TSHZ1: variants seen among roughly 807,000 people sequenced by gnomAD.
TSHZ1 encodes the protein teashirt zinc finger homeobox 1, also known as teashirt homolog 1.
TSHZ1 carries 12 observed loss-of-function variants against 67.1 expected under a neutral mutation model. That is an observed-to-expected ratio of 0.18 (90% CI 0.11 to 0.29). The LOEUF (loss-of-function observed/expected upper bound fraction) is 0.29, where lower values mean the gene tolerates loss of function less well. Among genes scored for constraint, TSHZ1 ranks in the 10% least tolerant of loss-of-function variants. The pLI is 1.00. For missense variants in TSHZ1, 1,305 were observed against 1,413.9 expected (o/e 0.92, Z 1.23); for synonymous variants, 632 against 622.4 (o/e 1.02, Z -0.23).
At chr18:75,272,157 T>A (rs1392019798) in intron 1 of TSHZ1, among the ~76,000 whole-genome samples, 1 of 152,200 alleles carries the variant, frequency 6.6e-6, no homozygotes, top group East Asian at 1.9e-4. Context: ...CTCCACTCCC[T>A]TTGGTGATGG....
chr18:75,274,697 A>G (rs1490876574), intron 1 of TSHZ1, among the ~76,000 whole-genome samples: 1 of 152,190 alleles, frequency 6.6e-6, no homozygotes, highest in Non-Finnish European at 1.5e-5. Context: ...ATGTCTCTCT[A>G]TATCTTTGTC....
At position 75,288,489 on chromosome 18, in the gene TSHZ1, G is replaced by A. The variant is rs1174285293; in HGVS notation, c.3082G>A (p.Ala1028Thr). 8 of 1,614,024 alleles carry A rather than the reference G, an allele frequency of 5.0e-6. No homozygotes were observed. Among genetic ancestry groups the A allele is most frequent in the Non-Finnish European group, 6.8e-6 (8 of 1,180,042 alleles). Residue 1028 changes from alanine to threonine, a missense_variant, in exon 2 of 2, where the codon GCC becomes ACC. Coordinates refer to ENST00000580243, the MANE Select transcript of TSHZ1 (RefSeq NM_001308210.2). This position sits in a 1 kb window ranked among gnomAD's most constrained non-coding sequence, Gnocchi z 4.9. ...CAACAAAACTCTGGGCCCACTGGGGGCCACCGAGGAAGACTTGGGCTCCAC... is the reference window on the plus strand; with the variant it reads ...CAACAAAACTCTGGGCCCACTGGGGACCACCGAGGAAGACTTGGGCTCCAC... ...LTNKTLGPLG[A>T]TEEDLGSTFQ... is the part of the protein sequence containing the mutation.
At chr18:75,248,689 G>A (rs771331499) in intron 1 of TSHZ1, among the ~76,000 whole-genome samples, 1 of 152,142 alleles carries the variant, frequency 6.6e-6, no homozygotes, top group Non-Finnish European at 1.5e-5. Flanking sequence ...TACGTTTATT[G>A]GAAGCTAATG....
At chr18:75,211,994 C>A in intron 1 of TSHZ1, 78 bp downstream of exon 1, 1 of 1,111,122 alleles carries the variant, frequency 9.0e-7, no homozygotes, top group Non-Finnish European at 1.1e-6. Flanking sequence ...GGCCGAGGTG[C>A]GGGACGTGGG....
intron 1 of TSHZ1, among the ~76,000 whole-genome samples, chr18:75,249,846 G>A (rs545623109): frequency 6.7e-5 from 10 of 150,162 alleles, no homozygotes; most frequent in South Asian, 2.1e-4. Context: ...TGTAGTAGGC[G>A]GGGCGGGGGT....
At chr18:75,279,505 G>A (rs1462691007) in intron 1 of TSHZ1, among the ~76,000 whole-genome samples, 1 of 152,182 alleles carries the variant, frequency 6.6e-6, no homozygotes, top group East Asian at 1.9e-4. Flanking sequence ...AGACACTGCA[G>A]CCCCTCCCAT....
intron 1 of TSHZ1, among the ~76,000 whole-genome samples, chr18:75,222,289 A>C (rs2022856682): frequency 6.6e-6 from 1 of 151,612 alleles, no homozygotes; most frequent in Non-Finnish European, 1.5e-5. Context: ...CAGTAATGAG[A>C]ATTTATTTTA....
In TSHZ1 at chr18:75,287,250, G is replaced by T. The variant is rs149729975; in HGVS notation, c.1843G>T (p.Ala615Ser). Residue 615 changes from alanine to serine, a missense_variant, in exon 2 of 2, where the codon GCC becomes TCC. Ala to Ser is a moderately conservative substitution (Grantham distance 99, BLOSUM62 1). Coordinates refer to ENST00000580243, the MANE Select transcript of TSHZ1 (RefSeq NM_001308210.2). The surrounding 1 kb of genome is among the most constrained non-coding windows in gnomAD (Gnocchi z 5.0). ...YAGGVKSLSS[A>S]EHNALLHSPG... ...TGGCGGCGTGAAGTCGCTGTCTTCCGCCGAGCACAACGCCCTCCTGCACTC... is the reference window on the plus strand; with the variant it reads ...TGGCGGCGTGAAGTCGCTGTCTTCCTCCGAGCACAACGCCCTCCTGCACTC... 2 of 1,613,936 alleles carry T rather than the reference G, an allele frequency of 1.2e-6. No homozygotes were observed. Among genetic ancestry groups the T allele is most frequent in the African/African-American group, 2.7e-5 (2 of 75,030 alleles).
At position 75,286,342 on chromosome 18, in the gene TSHZ1, G is replaced by A. The variant is rs375914464; in HGVS notation, c.935G>A (p.Cys312Tyr). 2.5e-6 allele frequency: 4 copies of A among 1,614,026 alleles called. No individual in the cohort carries two copies. Among genetic ancestry groups the A allele is most frequent in the Middle Eastern group, 1.6e-4 (1 of 6,084 alleles). ...DAQKVLKCMY[C>Y]GHSFESLQDL... Reference sequence around the variant, plus strand: ...CAGAAGGTGCTGAAGTGCATGTACTGTGGACACTCCTTTGAGTCCTTGCAG... The same window carrying A: ...CAGAAGGTGCTGAAGTGCATGTACTATGGACACTCCTTTGAGTCCTTGCAG... Residue 312 changes from cysteine to tyrosine, a missense_variant, in exon 2 of 2, where the codon TGT (cysteine) becomes TAT (tyrosine). Physicochemically the swap from Cys to Tyr is radical, Grantham distance 194. Transcript: ENST00000580243. The surrounding 1 kb of genome is among the most constrained non-coding windows in gnomAD (Gnocchi z 5.1).
intron 1 of TSHZ1, among the ~76,000 whole-genome samples, chr18:75,262,018 G>A (rs112707822): frequency 2.7e-4 from 41 of 152,286 alleles, no homozygotes; most frequent in African/African-American, 9.1e-4. Context: ...ACTTCAGAGT[G>A]CAGGGGGAAG....
chr18:75,218,063 C>T (rs556184687), intron 1 of TSHZ1, among the ~76,000 whole-genome samples: 1 of 152,286 alleles, frequency 6.6e-6, no homozygotes, highest in African/African-American at 2.4e-5. Context: ...ATTGTTGAAT[C>T]ATAGATGGGG....
Position 75,224,613 on chromosome 18 carries a change from G to A in TSHZ1, c.40+12697G>A, listed in dbSNP as rs550499231. 3.9e-5 allele frequency among the ~76,000 whole-genome samples: 6 copies of A among 152,202 alleles called. No individual in the cohort carries two copies. In the South Asian group the frequency reaches 6.2e-4, roughly 16 times the overall value. On this transcript the variant is annotated intron_variant, in intron 1 of 1. Coordinates refer to ENST00000580243, the MANE Select transcript of TSHZ1 (RefSeq NM_001308210.2). Reference sequence around the variant, plus strand: ...CCTCCCCGCAATACTCTTATTTATAGCCATCTAAGAAACCACTGGCTTTAT... The same window carrying A: ...CCTCCCCGCAATACTCTTATTTATAACCATCTAAGAAACCACTGGCTTTAT...
intron 1 of TSHZ1, among the ~76,000 whole-genome samples, chr18:75,255,563 A>G (rs1372405594): frequency 1.3e-5 from 2 of 152,208 alleles, no homozygotes; most frequent in Non-Finnish European, 2.9e-5. Context: ...TACAATATCT[A>G]ATAATACTCC....
chr18:75,255,535 C>T (rs978403554), intron 1 of TSHZ1, among the ~76,000 whole-genome samples: 7 of 151,948 alleles, frequency 4.6e-5, no homozygotes, highest in Non-Finnish European at 8.8e-5. Context: ...AACTGTAACT[C>T]TTTGATTTTA....
intron 1 of TSHZ1, among the ~76,000 whole-genome samples, chr18:75,224,925 T>G (rs1004700288): frequency 8.5e-5 from 13 of 152,150 alleles, no homozygotes; most frequent in Non-Finnish European, 7.4e-5. Context: ...TGTGATCCAT[T>G]GCACCCATCT....
chr18:75,215,651 C>G (rs531808460), intron 1 of TSHZ1, among the ~76,000 whole-genome samples: 1 of 152,268 alleles, frequency 6.6e-6, no homozygotes. Context: ...AATATCATTG[C>G]AAAATATTAA....
intron 1 of TSHZ1, among the ~76,000 whole-genome samples, chr18:75,253,798 C>T (rs1398447227): frequency 6.6e-6 from 1 of 152,230 alleles, no homozygotes. Flanking sequence ...ATGAAATCTT[C>T]CTAATTTTCT....
intron 1 of TSHZ1, 29 bp from the exon 2 acceptor site, chr18:75,285,419 T>C: frequency 1.4e-6 from 2 of 1,430,422 alleles, no homozygotes; most frequent in Non-Finnish European, 1.8e-6. Context: ...ATTTACTTCT[T>C]CTAACTGGGT....
intron 1 of TSHZ1, among the ~76,000 whole-genome samples, chr18:75,239,871 T>C (rs1029031306): frequency 6.6e-6 from 1 of 152,220 alleles, no homozygotes; most frequent in Non-Finnish European, 1.5e-5. Flanking sequence ...CTCAAAGCAT[T>C]GAATACGAGG....
Sources: allele counts gnomAD v4.1 joint callset (sites outside exome capture counted in the v4.1 genomes callset), GRCh38; gene constraint gnomAD v4.1.1; non-coding constraint Gnocchi (gnomAD v3.1); transcripts MANE v1.5; gene names NCBI Gene and HGNC (gene_info 2026-07-23, HGNC 2026-07-21).